Variants in SC5D observed in about 807,000 individuals in gnomAD.
SC5D encodes the protein sterol-C5-desaturase.
In SC5D, 21 loss-of-function variants were observed where a neutral mutation model predicts 23.9. The observed-to-expected ratio is 0.88, with a 90% CI of 0.62 to 1.26. SC5D has a LOEUF of 1.26. Among genes scored for constraint, SC5D ranks in the 50% most tolerant of loss-of-function variants. SC5D has a pLI of 0.00. For missense variants in SC5D, 309 were observed against 364.8 expected, an observed-to-expected ratio of 0.85 and a Z score of 1.25; for synonymous variants, 113 against 125.9, an observed-to-expected ratio of 0.90 and a Z score of 0.68.
At chr11:121,293,710 G>A (rs1046685218) in intron 1 of SC5D, among the ~76,000 whole-genome samples, 1 of 152,148 alleles carries the variant, frequency 6.6e-6, no homozygotes, top group African/African-American at 2.4e-5. Context: ...ATTTTTTAAA[G>A]TTTCTAATGA....
intron 2 of SC5D, chr11:121,303,864 C>A: frequency 3.1e-6 from 1 of 327,760 alleles, no homozygotes; most frequent in Non-Finnish European, 5.6e-6. Flanking sequence ...TAAATAAATG[C>A]ATACATTTAT....
chr11:121,296,685 T>G (rs1219102678), intron 1 of SC5D, among the ~76,000 whole-genome samples: 1 of 152,262 alleles, frequency 6.6e-6, no homozygotes, highest in African/African-American at 2.4e-5. Flanking sequence ...TGTGTCTGTT[T>G]AATGTTTGTA....
rs569291970 is a variant in SC5D, at chr11:121,312,152, C to T, written c.*4640C>T. 1.4e-4 allele frequency among the ~76,000 whole-genome samples: 21 copies of T among 152,214 alleles called. No homozygotes were observed. Among genetic ancestry groups the T allele is most frequent in the African/African-American group, 4.6e-4 (19 of 41,556 alleles). On this transcript the variant is annotated 3_prime_UTR_variant, in exon 5 of 5. Transcript: ENST00000264027. ...ACAAGGTTTGTAGATAAAATAGAAA[C>T]ATACCTTCCTTGAAAAGCAGAATAA... is the stretch of plus-strand genomic sequence containing the variant.
rs1180411268 is a variant in SC5D, at chr11:121,306,876, T to A, written c.445-181T>A. 23 of 684,384 alleles carry A rather than the reference T, an allele frequency of 3.4e-5. No homozygotes were observed. In the East Asian group the frequency reaches 6.2e-4, roughly 18 times the overall value. The allele number at this position is 684,384 out of a possible 1,614,324, so 42.4% of individuals were successfully genotyped here. ...TATCCATGGAACACCACTGCACTTGTACTCATAAATCCATATAAAATTATA... is the reference window on the plus strand; with the variant it reads ...TATCCATGGAACACCACTGCACTTGAACTCATAAATCCATATAAAATTATA... On this transcript the variant is annotated intron_variant, in intron 4 of 4. Transcript: ENST00000264027.
chr11:121,295,275 A>G (rs1341888499), intron 1 of SC5D, among the ~76,000 whole-genome samples: 2 of 152,200 alleles, frequency 1.3e-5, no homozygotes, highest in Non-Finnish European at 1.5e-5. Context: ...TTAGGGAGAC[A>G]TGAGACATCA....
intron 1 of SC5D, among the ~76,000 whole-genome samples, chr11:121,296,936 G>A (rs376463761): frequency 1.2e-4 from 18 of 151,978 alleles, no homozygotes; most frequent in African/African-American, 3.9e-4. Flanking sequence ...GTGGGAAAAC[G>A]GGCAAAGGAT....
At chr11:121,303,305 A>T in intron 1 of SC5D, 61 bp from the exon 2 acceptor site, 3 of 1,432,396 alleles carry the variant, frequency 2.1e-6, no homozygotes, top group Non-Finnish European at 3.0e-6. Flanking sequence ...TGTTTCTGAA[A>T]AATTTTTGCC....
rs1228478085 is a variant in SC5D at position 121,307,522 on chromosome 11, C to T, written c.*10C>T. 1 of 1,541,802 alleles carries T rather than the reference C, an allele frequency of 6.5e-7. No homozygotes were observed. Among genetic ancestry groups the T allele is most frequent in the Non-Finnish European group, 8.9e-7 (1 of 1,129,656 alleles). ...TACAAAGACTGAATAGATTATTGCC[C>T]AGTTATTCTTAAGTAAGGACAAAGA... On this transcript the variant is annotated 3_prime_UTR_variant, in exon 5 of 5. Transcript: ENST00000264027.
chr11:121,297,931 C>A (rs1186216273), intron 1 of SC5D, among the ~76,000 whole-genome samples: 1 of 152,194 alleles, frequency 6.6e-6, no homozygotes, highest in Non-Finnish European at 1.5e-5. Flanking sequence ...AATTTACTTT[C>A]TAGACAGCTC....
At position 121,311,944 on chromosome 11, in the gene SC5D, T is replaced by A. The variant is rs188860035; in HGVS notation, c.*4432T>A. 1.1e-4 allele frequency among the ~76,000 whole-genome samples: 16 copies of A among 152,312 alleles called. No individual in the cohort carries two copies. In the East Asian group the frequency reaches 3.1e-3, roughly 29 times the overall value. On this transcript the variant is annotated 3_prime_UTR_variant, in exon 5 of 5. Coordinates refer to ENST00000264027, the MANE Select transcript of SC5D (RefSeq NM_006918.5). ...CTTAAAATTGGAGGGTGAAAGACAT[T>A]GAGGTGAAGTAGAGATAGAGGGTAC...
intron 3 of SC5D, 115 bp downstream of exon 3, chr11:121,304,608 AGTT>A (rs1238136935): frequency 1.1e-6 from 1 of 933,536 alleles, no homozygotes; most frequent in Non-Finnish European, 1.7e-6. Context: ...CAAATTATTC[AGTT>A]GTTTTTTAAT....
rs1244926395 is a variant in SC5D, at chr11:121,312,244, T to G, written c.*4732T>G. 2.6e-5 allele frequency among the ~76,000 whole-genome samples: 4 copies of G among 152,194 alleles called. No homozygotes were observed. Among genetic ancestry groups the G allele is most frequent in the Non-Finnish European group, 5.9e-5 (4 of 68,006 alleles). On this transcript the variant is annotated 3_prime_UTR_variant, in exon 5 of 5. Coordinates refer to ENST00000264027, the MANE Select transcript of SC5D (RefSeq NM_006918.5). Reference sequence around the variant, plus strand: ...ACAAGCTTTACTGTCAAAGCAGGCTTTTGGTATGGGAAGAAAAATACTTAT... The same window carrying G: ...ACAAGCTTTACTGTCAAAGCAGGCTGTTGGTATGGGAAGAAAAATACTTAT...
chr11:121,296,618 G>GT (rs1333501230), intron 1 of SC5D, among the ~76,000 whole-genome samples: 1 of 152,176 alleles, frequency 6.6e-6, no homozygotes, highest in Admixed American at 6.5e-5. Context: ...ATTGCAGCAC[G>GT]TGTCCTATTG....
Position 121,312,318 on chromosome 11 carries a change from C to G in SC5D, c.*4806C>G, listed in dbSNP as rs1449865202. On this transcript the variant is annotated 3_prime_UTR_variant, in exon 5 of 5. Coordinates refer to ENST00000264027, the MANE Select transcript of SC5D (RefSeq NM_006918.5). The stretch of plus-strand genomic sequence containing the variant: ...TTATTAAAATACATTTAAAATACAG[C>G]ATTTTTAAATCTCTAAGCTCAACTT... Among the ~76,000 whole-genome samples, 1 of 152,096 alleles carries G rather than the reference C, an allele frequency of 6.6e-6. No individual in the cohort carries two copies. Among genetic ancestry groups the G allele is most frequent in the Non-Finnish European group, 1.5e-5 (1 of 67,968 alleles).
intron 1 of SC5D, among the ~76,000 whole-genome samples, chr11:121,296,855 A>G (rs1947893100): frequency 6.6e-6 from 1 of 152,246 alleles, no homozygotes; most frequent in African/African-American, 2.4e-5. Flanking sequence ...CATATCATAA[A>G]CAAAGGGCCA....
At chr11:121,301,847 T>C (rs1180916229) in intron 1 of SC5D, among the ~76,000 whole-genome samples, 2 of 152,222 alleles carry the variant, frequency 1.3e-5, no homozygotes, top group South Asian at 2.1e-4. Flanking sequence ...ATATATTCAA[T>C]TAAGAAAAAG....
Position 121,303,505 on chromosome 11 carries a change from A to G in SC5D, c.130A>G (p.Ile44Val). 1 of 1,613,978 alleles carries G rather than the reference A, an allele frequency of 6.2e-7. No individual in the cohort carries two copies. Among genetic ancestry groups the G allele is most frequent in the Non-Finnish European group, 8.5e-7 (1 of 1,179,938 alleles). ...LLIVTNVGAY[I>V]LYFFCATLSY... ...GATTGTAACAAATGTTGGTGCTTACATCCTTTATTTCTTCTGTGCAACACT... is the reference window on the plus strand; with the variant it reads ...GATTGTAACAAATGTTGGTGCTTACGTCCTTTATTTCTTCTGTGCAACACT... The change falls in exon 2 of 5, where the codon ATC becomes GTC. Residue 44 changes from isoleucine (I) to valine (V), a missense_variant. Ile to Val is a conservative substitution (Grantham distance 29). Coordinates refer to ENST00000264027, the MANE Select transcript of SC5D (RefSeq NM_006918.5).
In SC5D at chr11:121,310,899, A is replaced by G. The variant is rs1336765175; in HGVS notation, c.*3387A>G. ...CAGAGCTGTAAGAAAATAAATTTCTATTATTTATAGATTACCCAGTTGAAG... is the reference window on the plus strand; with the variant it reads ...CAGAGCTGTAAGAAAATAAATTTCTGTTATTTATAGATTACCCAGTTGAAG... On this transcript the variant is annotated 3_prime_UTR_variant, in exon 5 of 5. Coordinates refer to ENST00000264027, the MANE Select transcript of SC5D (RefSeq NM_006918.5). Among the ~76,000 whole-genome samples the G allele has an allele frequency of 6.6e-6, 1 of 152,214 alleles. No homozygotes were observed. Among genetic ancestry groups the G allele is most frequent in the Non-Finnish European group, 1.5e-5 (1 of 68,038 alleles).
intron 1 of SC5D, among the ~76,000 whole-genome samples, chr11:121,300,764 C>T (rs1171324279): frequency 6.6e-6 from 1 of 152,138 alleles, no homozygotes; most frequent in Non-Finnish European, 1.5e-5. Flanking sequence ...AGGGTTTACG[C>T]AAGCAGTAAG....
Sources: allele counts gnomAD v4.1 joint callset (sites outside exome capture counted in the v4.1 genomes callset), GRCh38; gene constraint gnomAD v4.1.1; transcripts MANE v1.5; gene names NCBI Gene and HGNC (gene_info 2026-07-23, HGNC 2026-07-21).